The following SEC23A variants were observed in gnomAD, a reference collection of about 807,000 sequenced individuals.
The protein encoded by SEC23A is protein transport protein Sec23A.
Under a neutral mutation model 103.7 loss-of-function variants are expected in SEC23A, and 56 were observed. The ratio of observed to expected loss-of-function variants is 0.54; its 90% CI spans 0.44 to 0.67. The LOEUF (loss-of-function observed/expected upper bound fraction) is 0.67. Ranked by LOEUF, SEC23A falls within the 30% of genes least tolerant of loss-of-function variation. The pLI, the probability that SEC23A is intolerant of heterozygous loss-of-function variation, is 0.00. For synonymous variants in SEC23A, 281 were observed against 293.0 expected (o/e 0.96, Z 0.42); for missense variants, 784 against 936.4 (o/e 0.84, Z 2.12).
intron 1 of SEC23A, among the ~76,000 whole-genome samples, chr14:39,100,868 G>A (rs919716431): frequency 6.6e-6 from 1 of 151,198 alleles, no homozygotes; most frequent in East Asian, 2.0e-4. Context: ...TTTTGAGATG[G>A]AGTCTCACTC....
At chr14:39,034,443 A>C (rs2139175884) in intron 19 of SEC23A, among the ~76,000 whole-genome samples, 1 of 152,320 alleles carries the variant, frequency 6.6e-6, no homozygotes, top group South Asian at 2.1e-4. Flanking sequence ...CTGTTCAAAA[A>C]TCTATAACAA....
At chr14:39,081,229 A>C (rs1027915885) in intron 7 of SEC23A, among the ~76,000 whole-genome samples, 1 of 151,766 alleles carries the variant, frequency 6.6e-6, no homozygotes, top group Non-Finnish European at 1.5e-5. Context: ...AAACACACAC[A>C]CATCAAGGTA....
At chr14:39,049,703 A>G (rs1885981712) in intron 14 of SEC23A, among the ~76,000 whole-genome samples, 2 of 151,692 alleles carry the variant, frequency 1.3e-5, no homozygotes, top group Non-Finnish European at 2.9e-5. Context: ...GCTTGAGCCT[A>G]GGAGGTTGAG....
chr14:39,047,196 A>T (rs1031144934), intron 15 of SEC23A, among the ~76,000 whole-genome samples: 2 of 152,230 alleles, frequency 1.3e-5, no homozygotes, highest in African/African-American at 4.8e-5. Context: ...GAAAGGAAGA[A>T]AGATGGAAAT....
intron 13 of SEC23A, among the ~76,000 whole-genome samples, chr14:39,056,087 G>A (rs1370634132): frequency 6.6e-6 from 1 of 152,218 alleles, no homozygotes; most frequent in Non-Finnish European, 1.5e-5. Context: ...TTAATTAACT[G>A]CCTTTGTTCT....
chr14:39,070,627 T>C (rs769293692), intron 9 of SEC23A, among the ~76,000 whole-genome samples: 1 of 152,230 alleles, frequency 6.6e-6, no homozygotes, highest in Non-Finnish European at 1.5e-5. Context: ...TCAATAGCTA[T>C]AGAAACAGCA....
chr14:39,065,359 CA>C (rs1181923018), intron 10 of SEC23A, among the ~76,000 whole-genome samples: 1 of 152,052 alleles, frequency 6.6e-6, no homozygotes, highest in African/African-American at 2.4e-5. Context: ...GGTCTCCCCC[CA>C]GTCTCTCCTG....
At chr14:39,043,113 A>G (rs1885705902) in intron 16 of SEC23A, among the ~76,000 whole-genome samples, 1 of 152,118 alleles carries the variant, frequency 6.6e-6, no homozygotes, top group Non-Finnish European at 1.5e-5. Flanking sequence ...AGTAGCTGGG[A>G]CTACAGGTGT....
chr14:39,054,266 C>A (rs1886167240), intron 14 of SEC23A, among the ~76,000 whole-genome samples: 1 of 150,896 alleles, frequency 6.6e-6, no homozygotes, highest in Non-Finnish European at 1.5e-5. Context: ...CAGAGTGAGA[C>A]CCTGTCTCAA....
intron 9 of SEC23A, among the ~76,000 whole-genome samples, chr14:39,073,495 T>C (rs1332211508): frequency 2.0e-5 from 3 of 151,436 alleles, no homozygotes; most frequent in South Asian, 2.1e-4. Flanking sequence ...GGTTTCACCA[T>C]GTTGGCCAGG....
chr14:39,076,004 C>A lies in SEC23A; in HGVS notation c.918G>T (p.Leu306Phe). 1 of 1,613,856 alleles carries A rather than the reference C, an allele frequency of 6.2e-7. No homozygotes were observed. Among genetic ancestry groups the A allele is most frequent in the Non-Finnish European group, 8.5e-7 (1 of 1,179,888 alleles). Residue 306 changes from leucine (L) to phenylalanine (F), a missense_variant, in exon 8 of 20, where the codon TTG (leucine) becomes TTT (phenylalanine). By Grantham distance (22) the Leu-to-Phe change is conservative. Around this residue, in one of 2 missense-constraint regions of SEC23A, gnomAD observed 683 missense variants for 774.2 expected, o/e 0.88. Coordinates refer to ENST00000307712, the MANE Select transcript of SEC23A (RefSeq NM_006364.4). ...QGPGMVVGDELKTPIRSWHDI... is the reference protein window; with the variant it reads ...QGPGMVVGDEFKTPIRSWHDI... ...CATGCCACGATCTTATAGGTGTCTT[C>A]AACTCATCTCCAACCACCATTCCAG... is the stretch of plus-strand genomic sequence containing the variant.
At chr14:39,067,149 C>T (rs1886695790) in intron 10 of SEC23A, 24 bp downstream of exon 10, 2 of 1,613,328 alleles carry the variant, frequency 1.2e-6, no homozygotes, top group Non-Finnish European at 1.7e-6. Context: ...TAACATATCG[C>T]ACATGTCAAG....
At chr14:39,060,864 G>A (rs1199904797) in intron 13 of SEC23A, among the ~76,000 whole-genome samples, 1 of 152,100 alleles carries the variant, frequency 6.6e-6, no homozygotes, top group Non-Finnish European at 1.5e-5. Flanking sequence ...TTCCCTTCTG[G>A]GGACCCTGCC....
At chr14:39,066,850 A>G (rs1348343550) in intron 10 of SEC23A, among the ~76,000 whole-genome samples, 1 of 152,140 alleles carries the variant, frequency 6.6e-6, no homozygotes, top group South Asian at 2.1e-4. Flanking sequence ...GCGACAGAGG[A>G]AGACTCTGTC....
intron 14 of SEC23A, among the ~76,000 whole-genome samples, chr14:39,054,762 C>A (rs1886184204): frequency 6.6e-6 from 1 of 152,032 alleles, no homozygotes; most frequent in Non-Finnish European, 1.5e-5. Context: ...AAGAGATGCA[C>A]ATATAATAGT....
intron 8 of SEC23A, 126 bp downstream of exon 8, chr14:39,075,809 G>C: frequency 1.3e-6 from 1 of 769,472 alleles, no homozygotes; most frequent in Non-Finnish European, 2.2e-6. Context: ...CTCCAATTCT[G>C]AATACCAGTT....
intron 10 of SEC23A, 61 bp downstream of exon 10, chr14:39,067,112 C>A: frequency 1.9e-6 from 3 of 1,591,598 alleles, no homozygotes; most frequent in Non-Finnish European, 2.6e-6. Context: ...TTTAGAATTA[C>A]ACTCAAGCCT....
At chr14:39,081,728 T>C (rs970904598) in intron 7 of SEC23A, among the ~76,000 whole-genome samples, 13 of 152,172 alleles carry the variant, frequency 8.5e-5, no homozygotes, top group African/African-American at 2.7e-4. Context: ...GAATTGAACA[T>C]ACCTGAAAGA....
intron 6 of SEC23A, among the ~76,000 whole-genome samples, chr14:39,086,217 G>C (rs1211586658): frequency 1.3e-5 from 2 of 152,114 alleles, no homozygotes; most frequent in African/African-American, 4.8e-5. Context: ...CACAATAAAC[G>C]AAACACTCAA....
Sources: gnomAD v4.1 joint callset for allele counts (sites outside exome capture counted in the v4.1 genomes callset) on GRCh38, gnomAD v4.1.1 for gene constraint, gnomAD v4.1.1 regional missense constraint, MANE v1.5 for transcripts, NCBI Gene and HGNC (gene_info 2026-07-23, HGNC 2026-07-21) for gene names.